The following COL28A1 variants were observed in gnomAD, a reference collection of about 807,000 sequenced individuals.
COL28A1 encodes collagen alpha-1(XXVIII) chain.
A neutral mutation model predicts 150.2 loss-of-function variants in COL28A1; 161 were observed. The ratio of observed to expected loss-of-function variants is 1.07; its 90% CI spans 0.94 to 1.22. The LOEUF (loss-of-function observed/expected upper bound fraction) is 1.22. Among genes scored for constraint, COL28A1 ranks in the 50% most tolerant of loss-of-function variants. The pLI is 0.00. For missense variants in COL28A1, 1,617 were observed against 1,388.3 expected (o/e 1.16, Z -2.62); for synonymous variants, 552 against 469.7 (o/e 1.18, Z -2.26).
At chr7:7,524,202 G>A (rs370228719) in intron 4 of COL28A1, 27 bp downstream of exon 4, 33 of 1,097,460 alleles carry the variant, frequency 3.0e-5, no homozygotes, top group African/African-American at 1.5e-4. Flanking sequence ...GGAGTAATTC[G>A]TAGTAATCAA....
At chr7:7,511,261 C>T in intron 8 of COL28A1, 126 bp from the exon 9 acceptor site, 2 of 715,460 alleles carry the variant, frequency 2.8e-6, no homozygotes, top group Non-Finnish European at 4.8e-6. Flanking sequence ...TTGGTTTCTA[C>T]ACAATATTAG....
intron 32 of COL28A1, among the ~76,000 whole-genome samples, chr7:7,371,944 C>G (rs1219052482): frequency 6.6e-6 from 1 of 151,944 alleles, no homozygotes; most frequent in Non-Finnish European, 1.5e-5. Flanking sequence ...GCAATTCTTC[C>G]GCCTCAGCTT....
chr7:7,466,387 G>T, intron 15 of COL28A1, among the ~76,000 whole-genome samples: 1 of 143,090 alleles, frequency 7.0e-6, no homozygotes, highest in East Asian at 2.1e-4. Flanking sequence ...GAAATGAAGA[G>T]AGAAGGGAAG....
chr7:7,381,750 T>C (rs1781886154), intron 27 of COL28A1, 138 bp from the exon 28 acceptor site: 1 of 563,316 alleles, frequency 1.8e-6, no homozygotes, highest in Non-Finnish European at 3.1e-6. Context: ...TATATATATG[T>C]ATATAAATAC....
intron 15 of COL28A1, among the ~76,000 whole-genome samples, chr7:7,462,345 C>G (rs1165024203): frequency 6.6e-6 from 1 of 152,140 alleles, no homozygotes; most frequent in Non-Finnish European, 1.5e-5. Flanking sequence ...AAAAATTACA[C>G]TAGCTCACCA....
Position 7,432,613 on chromosome 7 carries a change from A to G in COL28A1, c.1929+19T>C. On this transcript the variant is annotated intron_variant, in intron 24 of 34. Coordinates refer to ENST00000399429, the MANE Select transcript of COL28A1 (RefSeq NM_001037763.3). ...AACACTCAAAAAGGAGGGAGGGAAG[A>G]AAAAAATGTCCCACTTACAGGCACA... The G allele has an allele frequency of 6.2e-7, 1 of 1,612,792 alleles. No homozygotes were observed. Among genetic ancestry groups the G allele is most frequent in the Non-Finnish European group, 8.5e-7 (1 of 1,178,888 alleles).
intron 30 of COL28A1, among the ~76,000 whole-genome samples, chr7:7,378,854 G>C (rs1267860974): frequency 6.6e-6 from 1 of 152,194 alleles, no homozygotes; most frequent in Non-Finnish European, 1.5e-5. Flanking sequence ...CCATCAGCCT[G>C]TCACCGTCTT....
At chr7:7,436,965 G>A (rs1785389410) in intron 22 of COL28A1, among the ~76,000 whole-genome samples, 1 of 152,188 alleles carries the variant, frequency 6.6e-6, no homozygotes, top group South Asian at 2.1e-4. Flanking sequence ...TTGACCCCAA[G>A]AAGTGGAGGT....
At chr7:7,482,550 T>A (rs1464125167) in intron 13 of COL28A1, among the ~76,000 whole-genome samples, 3 of 150,832 alleles carry the variant, frequency 2.0e-5, no homozygotes, top group African/African-American at 4.9e-5. Context: ...AAAATTCACA[T>A]CATTGATTTT....
intron 3 of COL28A1, among the ~76,000 whole-genome samples, chr7:7,527,715 A>G (rs1358101135): frequency 1.3e-5 from 2 of 152,224 alleles, no homozygotes; most frequent in Non-Finnish European, 2.9e-5. Context: ...TCAGAATTTC[A>G]TTAATGGATT....
intron 18 of COL28A1, among the ~76,000 whole-genome samples, chr7:7,451,971 A>G (rs1158816590): frequency 3.9e-5 from 6 of 152,176 alleles, no homozygotes; most frequent in African/African-American, 1.4e-4. Flanking sequence ...AGGATGACTT[A>G]TCGAAACTGT....
At chr7:7,433,213 G>A (rs559246135) in intron 23 of COL28A1, among the ~76,000 whole-genome samples, 1 of 152,158 alleles carries the variant, frequency 6.6e-6, no homozygotes, top group East Asian at 1.9e-4. Context: ...AGCAGGGAGG[G>A]GTGATTATTG....
intron 15 of COL28A1, among the ~76,000 whole-genome samples, chr7:7,456,371 A>C (rs1787169643): frequency 6.6e-6 from 1 of 152,204 alleles, no homozygotes; most frequent in Non-Finnish European, 1.5e-5. Flanking sequence ...ATTTTCTCAC[A>C]AACAAAATTT....
rs186258194 is a variant in COL28A1 at position 7,494,039 on chromosome 7, G to A, written c.1027-3393C>T. Among the ~76,000 whole-genome samples, 6 of 152,286 alleles carry A rather than the reference G, an allele frequency of 3.9e-5. No individual in the cohort carries two copies. In the East Asian group the frequency reaches 1.2e-3, roughly 29 times the overall value. ...TGTTTCTCATTACCTCCATGTGAGTGTGAATGTGTGTGAATGTGAGTGTGA... is the reference window on the plus strand; with the variant it reads ...TGTTTCTCATTACCTCCATGTGAGTATGAATGTGTGTGAATGTGAGTGTGA... On this transcript the variant is annotated intron_variant, in intron 11 of 34. Transcript: ENST00000399429.
At chr7:7,401,144 C>CT (rs1783182171) in intron 27 of COL28A1, among the ~76,000 whole-genome samples, 1 of 151,914 alleles carries the variant, frequency 6.6e-6, no homozygotes, top group African/African-American at 2.4e-5. Flanking sequence ...CCTCACGTGG[C>CT]TTCCAGGACA....
intron 11 of COL28A1, among the ~76,000 whole-genome samples, chr7:7,499,310 C>A (rs1249326850): frequency 6.6e-6 from 1 of 152,184 alleles, no homozygotes; most frequent in Non-Finnish European, 1.5e-5. Context: ...TCTTCCTATA[C>A]ACTGAGCAGT....
intron 25 of COL28A1, among the ~76,000 whole-genome samples, chr7:7,425,771 A>T (rs1228071578): frequency 1.3e-5 from 2 of 152,236 alleles, no homozygotes; most frequent in African/African-American, 2.4e-5. Context: ...TTATTATCCC[A>T]AATCACAGAT....
chr7:7,477,036 G>A, intron 14 of COL28A1, 76 bp downstream of exon 14: 1 of 811,486 alleles, frequency 1.2e-6, no homozygotes, highest in Non-Finnish European at 2.2e-6. Context: ...AAATTGGCTA[G>A]GACACATTTT....
intron 6 of COL28A1, among the ~76,000 whole-genome samples, chr7:7,519,593 AG>A (rs1043392238): frequency 6.6e-6 from 1 of 152,184 alleles, no homozygotes; most frequent in African/African-American, 2.4e-5. Flanking sequence ...TTTTTTTGAT[AG>A]GTACACAGAG....
Sources: allele counts gnomAD v4.1 joint callset (sites outside exome capture counted in the v4.1 genomes callset), GRCh38; gene constraint gnomAD v4.1.1; transcripts MANE v1.5; gene names NCBI Gene and HGNC (gene_info 2026-07-23, HGNC 2026-07-21).